PANX1: variants seen among roughly 807,000 people sequenced by gnomAD.
PANX1 encodes the protein pannexin 1, also known as pannexin-1.
In PANX1, 30 loss-of-function variants were observed where a neutral mutation model predicts 38.7. The observed-to-expected ratio is 0.78, with a 90% confidence interval of 0.58 to 1.05. The LOEUF is 1.05. Among genes scored for constraint, PANX1 ranks in the 50% least tolerant of loss-of-function variants. PANX1 has a pLI of 0.00. For missense variants in PANX1, 551 were observed against 517.2 expected, an observed-to-expected ratio of 1.07 and a Z score of -0.63; for synonymous variants, 230 against 212.2, an observed-to-expected ratio of 1.08 and a Z score of -0.73.
chr11:94,131,115 G>T (rs1338928739), intron 1 of PANX1, among the ~76,000 whole-genome samples: 1 of 152,088 alleles, frequency 6.6e-6, no homozygotes, highest in Non-Finnish European at 1.5e-5. Context: ...GCTGAACTCG[G>T]TGCTGACCTC....
intron 2 of PANX1, among the ~76,000 whole-genome samples, chr11:94,174,207 C>T (rs755356736): frequency 6.6e-6 from 1 of 151,512 alleles, no homozygotes; most frequent in African/African-American, 2.4e-5. Flanking sequence ...TATTTCCAAA[C>T]AGTATCACAC....
At chr11:94,137,820 A>G (rs1946713646) in intron 1 of PANX1, among the ~76,000 whole-genome samples, 1 of 78,672 alleles carries the variant, frequency 1.3e-5, no homozygotes, top group South Asian at 3.6e-4. Flanking sequence ...AATACAGAAG[A>G]GAAAATAGCA....
rs1487861224 is a variant in PANX1, at chr11:94,153,481, T to C, written c.182-10T>C. On this transcript the variant is annotated splice_polypyrimidine_tract_variant and intron_variant, in intron 1 of 4. Coordinates refer to ENST00000227638, the MANE Select transcript of PANX1 (RefSeq NM_015368.4). ...TGTTTTCATTGGAAACTATCTGTTT[T>C]GCTTCTTAGGTACACAGATAAGCTG... The C allele has an allele frequency of 6.2e-7, 1 of 1,613,648 alleles. No individual in the cohort carries two copies. Among genetic ancestry groups the C allele is most frequent in the South Asian group, 1.1e-5 (1 of 90,972 alleles).
At chr11:94,179,290 C>T (rs1348810242) in intron 3 of PANX1, among the ~76,000 whole-genome samples, 1 of 152,134 alleles carries the variant, frequency 6.6e-6, no homozygotes, top group Non-Finnish European at 1.5e-5. Context: ...GTTGTCCCAC[C>T]CCTTGCCTGT....
intron 2 of PANX1, chr11:94,175,791 C>A (rs1947225716): frequency 1.0e-6 from 1 of 984,638 alleles, no homozygotes; most frequent in South Asian, 4.7e-5. Context: ...TCACAGCCTG[C>A]TTTGTGTGTC....
Position 94,179,751 on chromosome 11 carries a change from G to A in PANX1, c.695G>A (p.Gly232Asp). 3 of 1,614,032 alleles carry A rather than the reference G, an allele frequency of 1.9e-6. No homozygotes were observed. The highest frequency in any genetic ancestry group is 2.5e-6 in the Non-Finnish European group (3 of 1,179,986). Reference sequence around the variant, plus strand: ...ATACTGTTAGCGTGTATCTACCTGGGCTATTACTTCAGCCTCTCCTCACTC... The same window carrying A: ...ATACTGTTAGCGTGTATCTACCTGGACTATTACTTCAGCCTCTCCTCACTC... ...IIILLACIYL[G>D]YYFSLSSLSD... The change falls in exon 4 of 5, where the codon GGC (glycine) becomes GAC (aspartate). Residue 232 changes from glycine to aspartate, a missense_variant. Transcript: ENST00000227638.
chr11:94,153,770 T>C (rs1458268850), intron 2 of PANX1, 140 bp downstream of exon 2: 7 of 758,458 alleles, frequency 9.2e-6, no homozygotes, highest in Non-Finnish European at 8.2e-6. Flanking sequence ...TAGCACCTTA[T>C]AGTCAAAAAG....
chr11:94,144,919 G>A (rs1250287358), intron 1 of PANX1, among the ~76,000 whole-genome samples: 2 of 152,078 alleles, frequency 1.3e-5, no homozygotes, highest in African/African-American at 4.8e-5. Flanking sequence ...TCTTTTACTA[G>A]GTTGAATGAG....
intron 2 of PANX1, among the ~76,000 whole-genome samples, chr11:94,172,332 A>G (rs1174005574): frequency 6.6e-6 from 1 of 151,806 alleles, no homozygotes; most frequent in Non-Finnish European, 1.5e-5. Context: ...CTGTGCATGC[A>G]GATCACCTGG....
intron 1 of PANX1, among the ~76,000 whole-genome samples, chr11:94,136,093 T>G (rs774472638): frequency 4.6e-5 from 7 of 152,108 alleles, no homozygotes; most frequent in Non-Finnish European, 8.8e-5. Flanking sequence ...CTCCCAGCAT[T>G]AAAAGGAAAG....
At chr11:94,133,733 G>C (rs1242977331) in intron 1 of PANX1, among the ~76,000 whole-genome samples, 1 of 152,188 alleles carries the variant, frequency 6.6e-6, no homozygotes, top group Non-Finnish European at 1.5e-5. Flanking sequence ...GGCTAGAAAG[G>C]CTGTGTGGTG....
At chr11:94,144,791 A>G (rs567742311) in intron 1 of PANX1, among the ~76,000 whole-genome samples, 2 of 152,146 alleles carry the variant, frequency 1.3e-5, no homozygotes, top group African/African-American at 4.8e-5. Context: ...GAGTATGACC[A>G]CACACTCAGG....
intron 2 of PANX1, among the ~76,000 whole-genome samples, chr11:94,158,317 G>T (rs1411135588): frequency 6.6e-6 from 1 of 152,058 alleles, no homozygotes; most frequent in Admixed American, 6.6e-5. Flanking sequence ...GGATGGCATT[G>T]AATCTATAAA....
At chr11:94,129,985 G>A (rs568442509) in intron 1 of PANX1, among the ~76,000 whole-genome samples, 1 of 152,346 alleles carries the variant, frequency 6.6e-6, no homozygotes, top group South Asian at 2.1e-4. Context: ...CTCTAGGGTT[G>A]TGAATGATAG....
intron 2 of PANX1, among the ~76,000 whole-genome samples, chr11:94,163,985 C>T (rs112833591): frequency 1.8e-3 from 268 of 151,738 alleles, no homozygotes; most frequent in African/African-American, 6.3e-3. Flanking sequence ...AGAAATTTAT[C>T]AATTTTTTTT....
At chr11:94,163,213 T>G (rs903355810) in intron 2 of PANX1, among the ~76,000 whole-genome samples, 1 of 152,214 alleles carries the variant, frequency 6.6e-6, no homozygotes, top group Non-Finnish European at 1.5e-5. Flanking sequence ...TACATATTTG[T>G]GGACTACATG....
intron 1 of PANX1, among the ~76,000 whole-genome samples, chr11:94,144,210 ATCCCTCTTCTTC>A (rs1946798636): frequency 6.6e-6 from 1 of 151,662 alleles, no homozygotes; most frequent in Non-Finnish European, 1.5e-5. Flanking sequence ...TCTGAAGTCA[ATCCCTCTTCTTC>A]TCCCTCCCCC....
At chr11:94,171,589 G>T (rs140363263) in intron 2 of PANX1, among the ~76,000 whole-genome samples, 4 of 151,578 alleles carry the variant, frequency 2.6e-5, no homozygotes, top group Non-Finnish European at 5.9e-5. Flanking sequence ...AAGGATGGGG[G>T]ATTAGAGGCA....
intron 2 of PANX1, among the ~76,000 whole-genome samples, chr11:94,160,950 G>T (rs1947024015): frequency 1.3e-5 from 2 of 152,066 alleles, no homozygotes; most frequent in African/African-American, 4.8e-5. Context: ...CATTTGCTTT[G>T]CTGTAAAGGA....
Sources: allele counts gnomAD v4.1 joint callset (sites outside exome capture counted in the v4.1 genomes callset), GRCh38; gene constraint gnomAD v4.1.1; transcripts MANE v1.5; gene names NCBI Gene and HGNC (gene_info 2026-07-23, HGNC 2026-07-21).